The following WLS variants were observed in gnomAD, a reference collection of about 807,000 sequenced individuals.
WLS encodes Wnt ligand secretion mediator, also known as protein wntless homolog.
A neutral mutation model predicts 62.8 loss-of-function variants in WLS; 23 were observed. That is an observed-to-expected ratio of 0.37 (90% CI 0.26 to 0.52). The LOEUF is 0.52. Among genes scored for constraint, WLS ranks in the 20% least tolerant of loss-of-function variants. The pLI, the probability that WLS is intolerant of heterozygous loss-of-function variation, is 0.92. For missense variants in WLS, 615 were observed against 697.3 expected (o/e 0.88, Z 1.33); for synonymous variants, 246 against 244.1 (o/e 1.01, Z -0.07).
intron 11 of WLS, among the ~76,000 whole-genome samples, chr1:68,109,647 G>A (rs1570801526): frequency 6.6e-6 from 1 of 151,902 alleles, no homozygotes; most frequent in Admixed American, 6.6e-5. Context: ...TTAGTGAAGT[G>A]GAAAATAGAG....
intron 1 of WLS, among the ~76,000 whole-genome samples, chr1:68,223,861 C>T (rs1650036265): frequency 1.3e-5 from 2 of 152,198 alleles, no homozygotes; most frequent in African/African-American, 4.8e-5. Flanking sequence ...GAAGCTCTCT[C>T]TTTTGGAGGG....
intron 9 of WLS, 39 bp downstream of exon 9, chr1:68,145,830 C>T (rs1192875854): frequency 1.2e-6 from 2 of 1,612,006 alleles, no homozygotes; most frequent in Admixed American, 1.7e-5. Context: ...AAAGATCAAG[C>T]AAGCACCAGT....
intron 2 of WLS, among the ~76,000 whole-genome samples, chr1:68,175,378 G>T (rs1053738089): frequency 3.3e-5 from 5 of 152,188 alleles, no homozygotes; most frequent in African/African-American, 1.2e-4. Context: ...AGGTTTGCCT[G>T]ACTCAGCAGC....
At chr1:68,113,001 G>A (rs138352457) in intron 11 of WLS, among the ~76,000 whole-genome samples, 2 of 152,310 alleles carry the variant, frequency 1.3e-5, no homozygotes, top group East Asian at 1.9e-4. Context: ...AGCTGCCCAC[G>A]AACTTGGCTT....
At chr1:68,139,478 A>T (rs771174857) in intron 10 of WLS, among the ~76,000 whole-genome samples, 3 of 152,132 alleles carry the variant, frequency 2.0e-5, no homozygotes, top group African/African-American at 4.8e-5. Flanking sequence ...AACACAGAGA[A>T]CTCTTCTGTA....
chr1:68,204,123 C>G (rs1649171138), intron 1 of WLS, among the ~76,000 whole-genome samples: 1 of 152,126 alleles, frequency 6.6e-6, no homozygotes, highest in African/African-American at 2.4e-5. Context: ...TAAGTTAAGG[C>G]TAAGGGCAAG....
chr1:68,217,258 G>A (rs1275959096), intron 1 of WLS, among the ~76,000 whole-genome samples: 2 of 152,150 alleles, frequency 1.3e-5, no homozygotes, highest in East Asian at 1.9e-4. Flanking sequence ...ATTGATTAAA[G>A]CTTGAAGCCT....
intron 11 of WLS, among the ~76,000 whole-genome samples, chr1:68,128,126 AGGCATTAAAGG>A (rs1192374774): frequency 6.6e-6 from 1 of 152,162 alleles, no homozygotes; most frequent in African/African-American, 2.4e-5. Context: ...TGGGTAGAGA[AGGCATTAAAGG>A]GGCATCAGTC....
chr1:68,151,981 T>G (rs2566790), intron 5 of WLS, among the ~76,000 whole-genome samples: 147,468 of 152,258 alleles, frequency 0.97, 71,524 homozygotes, highest in South Asian at 1. Flanking sequence ...AAGCGATGGT[T>G]GGTTAGTTAG....
chr1:68,210,646 C>T (rs1417740631), intron 1 of WLS, among the ~76,000 whole-genome samples: 1 of 152,124 alleles, frequency 6.6e-6, no homozygotes, highest in Non-Finnish European at 1.5e-5. Context: ...GCCCCCTCCC[C>T]AAGCAAAATC....
rs1557536352 is a variant in WLS at position 68,232,357 on chromosome 1, TG to T, written c.-59del. On this transcript the variant is annotated 5_prime_UTR_variant, in exon 1 of 12. Coordinates refer to ENST00000262348, the MANE Select transcript of WLS (RefSeq NM_024911.7). Reference sequence around the variant, plus strand: ...AATAAATGTTTTAGGGTGAGCTTTTTGCTCCCTCCTCTCACACACTCCCTCC... The same window carrying T: ...AATAAATGTTTTAGGGTGAGCTTTTTCTCCCTCCTCTCACACACTCCCTCC... 2 of 1,580,502 alleles carry T rather than the reference TG, an allele frequency of 1.3e-6. No homozygotes were observed.
At chr1:68,114,420 C>A (rs2100338047) in intron 11 of WLS, among the ~76,000 whole-genome samples, 1 of 152,224 alleles carries the variant, frequency 6.6e-6, no homozygotes, top group Non-Finnish European at 1.5e-5. Flanking sequence ...TGTCAAGAAT[C>A]TATAATGATG....
At chr1:68,183,319 T>A (rs540216078) in intron 2 of WLS, among the ~76,000 whole-genome samples, 39 of 152,282 alleles carry the variant, frequency 2.6e-4, no homozygotes, top group Middle Eastern at 3.4e-3. Flanking sequence ...GTTATACATT[T>A]CTTCTTAGCA....
At chr1:68,212,386 C>T (rs899656117) in intron 1 of WLS, among the ~76,000 whole-genome samples, 25 of 152,090 alleles carry the variant, frequency 1.6e-4, no homozygotes, top group African/African-American at 6.0e-4. Flanking sequence ...GGTTTTATCC[C>T]CCAAATTCCA....
chr1:68,148,680 G>A lies in WLS; in HGVS notation c.973-20C>T. 6.2e-7 allele frequency: 1 copy of A among 1,611,558 alleles called. No individual in the cohort carries two copies. Among genetic ancestry groups the A allele is most frequent in the South Asian group, 1.1e-5 (1 of 90,408 alleles). Reference sequence around the variant, plus strand: ...CTGATCCTGAGGAAAACCAAATTGAGAAGGGAGATAGAGGGGAGAGGAAGA... The same window carrying A: ...CTGATCCTGAGGAAAACCAAATTGAAAAGGGAGATAGAGGGGAGAGGAAGA... On this transcript the variant is annotated intron_variant, in intron 6 of 11. Coordinates refer to ENST00000262348, the MANE Select transcript of WLS (RefSeq NM_024911.7).
intron 10 of WLS, among the ~76,000 whole-genome samples, chr1:68,143,207 C>T (rs894549022): frequency 6.6e-6 from 1 of 152,188 alleles, no homozygotes; most frequent in Non-Finnish European, 1.5e-5. Context: ...AGTCCCTGTA[C>T]TAGGGAAACT....
At chr1:68,129,037 G>A (rs4655777) in intron 11 of WLS, among the ~76,000 whole-genome samples, 37,770 of 152,006 alleles carry the variant, frequency 0.25, 4,999 homozygotes, top group East Asian at 0.32. Flanking sequence ...AAAAATATCC[G>A]CATACAGCCG....
chr1:68,203,711 T>C (rs1649152718), intron 1 of WLS, among the ~76,000 whole-genome samples: 1 of 152,220 alleles, frequency 6.6e-6, no homozygotes, highest in South Asian at 2.1e-4. Context: ...CATGGAAGTC[T>C]ATGACAGCAC....
At chr1:68,116,846 C>A (rs939842570) in intron 11 of WLS, among the ~76,000 whole-genome samples, 2 of 151,970 alleles carry the variant, frequency 1.3e-5, no homozygotes, top group African/African-American at 4.8e-5. Context: ...CAGCAGAGGG[C>A]AGCAAATAGC....
Sources: gnomAD v4.1 joint callset for allele counts (sites outside exome capture counted in the v4.1 genomes callset) on GRCh38, gnomAD v4.1.1 for gene constraint, MANE v1.5 for transcripts, NCBI Gene and HGNC (gene_info 2026-07-23, HGNC 2026-07-21) for gene names.